Variants in DENND1A observed in about 807,000 individuals in gnomAD.
DENND1A encodes DENN domain-containing protein 1A.
In DENND1A, 51 loss-of-function variants were observed where a neutral mutation model predicts 113.7. That is an observed-to-expected ratio of 0.45 (90% CI 0.36 to 0.57). The LOEUF is 0.57. DENND1A is among the 20% of genes least tolerant of loss of function. The pLI, the probability that DENND1A is intolerant of heterozygous loss-of-function variation, is 0.00. For synonymous variants in DENND1A, 565 were observed against 570.8 expected (o/e 0.99, Z 0.14); for missense variants, 1,258 against 1,395.9 (o/e 0.90, Z 1.57).
At chr9:123,680,713 C>A (rs1358103226) in intron 5 of DENND1A, among the ~76,000 whole-genome samples, 2 of 152,220 alleles carry the variant, frequency 1.3e-5, no homozygotes, top group African/African-American at 4.8e-5. Flanking sequence ...TGTGTAAGTT[C>A]AGCGTGAATA....
At chr9:123,609,828 T>C (rs780819811) in intron 10 of DENND1A, among the ~76,000 whole-genome samples, 3 of 152,032 alleles carry the variant, frequency 2.0e-5, no homozygotes, top group Non-Finnish European at 4.4e-5. Context: ...TCAAAGAAAA[T>C]ATACGTTAAA....
At chr9:123,913,018 G>A (rs1217827522) in intron 1 of DENND1A, among the ~76,000 whole-genome samples, 1 of 151,394 alleles carries the variant, frequency 6.6e-6, no homozygotes, top group South Asian at 2.1e-4. Flanking sequence ...AGCAGAGTAG[G>A]GAACCTGAAT....
intron 13 of DENND1A, among the ~76,000 whole-genome samples, chr9:123,475,672 G>T (rs564989944): frequency 6.6e-6 from 1 of 152,236 alleles, no homozygotes; most frequent in Admixed American, 6.5e-5. Context: ...CTGCACACTC[G>T]CCTGCCATCG....
At chr9:123,926,674 G>GTT (rs61507628) in intron 1 of DENND1A, among the ~76,000 whole-genome samples, 91 of 147,710 alleles carry the variant, frequency 6.2e-4, no homozygotes, top group African/African-American at 1.7e-3. Flanking sequence ...TTCCTCAAGG[G>GTT]TTTTTTTTTT....
At chr9:123,734,840 T>A (rs917637466) in intron 5 of DENND1A, among the ~76,000 whole-genome samples, 2 of 152,034 alleles carry the variant, frequency 1.3e-5, no homozygotes, top group Non-Finnish European at 2.9e-5. Context: ...GGGAAAATAA[T>A]TTTTTTTATT....
intron 5 of DENND1A, among the ~76,000 whole-genome samples, chr9:123,708,891 T>C (rs73665343): frequency 0.18 from 28,010 of 152,170 alleles, 2,744 homozygotes; most frequent in African/African-American, 0.27. Context: ...CAGGAGGTCA[T>C]TGGCTTTGAC....
intron 12 of DENND1A, among the ~76,000 whole-genome samples, chr9:123,568,042 T>G (rs1007880346): frequency 1.3e-5 from 2 of 152,190 alleles, no homozygotes; most frequent in Admixed American, 1.3e-4. Context: ...TGTTCACAAA[T>G]GCCAACCAAA....
intron 21 of DENND1A, chr9:123,402,521 C>A (rs772653617): frequency 3.7e-6 from 2 of 534,708 alleles, no homozygotes; most frequent in Non-Finnish European, 7.7e-6. Flanking sequence ...GGGGCCTCCC[C>A]CTTTCCACCC....
At chr9:123,553,842 C>T (rs149570510) in intron 13 of DENND1A, among the ~76,000 whole-genome samples, 3,939 of 152,272 alleles carry the variant, frequency 0.026, 81 homozygotes, top group Non-Finnish European at 0.037. Flanking sequence ...ACTGCAACCT[C>T]TGCCTCCTGG....
intron 11 of DENND1A, among the ~76,000 whole-genome samples, chr9:123,600,971 C>G (rs1464940982): frequency 1.3e-5 from 2 of 152,196 alleles, no homozygotes; most frequent in African/African-American, 4.8e-5. Context: ...TTACCTCAAT[C>G]TGGCAGGAAT....
At chr9:123,668,148 G>C (rs2063581468) in intron 7 of DENND1A, among the ~76,000 whole-genome samples, 1 of 152,156 alleles carries the variant, frequency 6.6e-6, no homozygotes, top group African/African-American at 2.4e-5. Context: ...TTAAAGATGG[G>C]ATTGTGCAAA....
In DENND1A at chr9:123,605,377, T is replaced by C. The variant is rs961475587; in HGVS notation, c.765+4059A>G. ...ATGACCTGGCACCTGCTACCAGAGA[T>C]GGCACAGAAGAGGGGCTGCATAAAT... On this transcript the variant is annotated intron_variant, in intron 11 of 23. Transcript: ENST00000394215. Among the ~76,000 whole-genome samples the C allele has an allele frequency of 7.2e-5, 11 of 152,160 alleles. 1 individual carries two copies. The highest frequency in any genetic ancestry group is 5.9e-4 in the Admixed American group (9 of 15,274).
intron 5 of DENND1A, among the ~76,000 whole-genome samples, chr9:123,687,926 T>C (rs1426298457): frequency 6.6e-6 from 1 of 152,214 alleles, no homozygotes; most frequent in Non-Finnish European, 1.5e-5. Flanking sequence ...AGCCCAGCAA[T>C]CCTGAAGAGG....
At chr9:123,879,553 T>TACACACACACACACAC (rs138124573) in intron 1 of DENND1A, among the ~76,000 whole-genome samples, 5,180 of 150,038 alleles carry the variant, frequency 0.035, 90 homozygotes, top group Middle Eastern at 0.048. Flanking sequence ...AATAAAATTA[T>TACACACACACACACAC]ACACACACAC....
At chr9:123,554,475 C>T (rs1168850057) in intron 13 of DENND1A, among the ~76,000 whole-genome samples, 1 of 152,204 alleles carries the variant, frequency 6.6e-6, no homozygotes, top group Non-Finnish European at 1.5e-5. Context: ...AGCAATCTTA[C>T]ATGGGGAATG....
At chr9:123,582,265 A>G (rs982061765) in intron 12 of DENND1A, among the ~76,000 whole-genome samples, 1 of 152,206 alleles carries the variant, frequency 6.6e-6, no homozygotes, top group Non-Finnish European at 1.5e-5. Context: ...TAGAGGTGGC[A>G]GCGTGCTGGG....
In DENND1A at chr9:123,639,039, TAAAAAA is replaced by T. The variant is rs750972974; in HGVS notation, c.619-8569_619-8564del. 5.6e-4 allele frequency among the ~76,000 whole-genome samples: 18 copies of T among 32,106 alleles called. No individual in the cohort carries two copies. In the South Asian group the frequency reaches 0.013, roughly 23 times the overall value. 21.1% of individuals were successfully genotyped at this position (32,106 alleles called of 152,430 possible). Reference sequence around the variant, plus strand: ...TGAGTTACTAAATTTGCATGAGTAGTAAAAAAAAAAAAAAAAAAAAAAAAAAAGAAA... The same window carrying T: ...TGAGTTACTAAATTTGCATGAGTAGTAAAAAAAAAAAAAAAAAAAAAGAAA... On this transcript the variant is annotated intron_variant, in intron 9 of 23. Coordinates refer to ENST00000394215, the MANE Select transcript of DENND1A (RefSeq NM_001352964.2).
At chr9:123,822,900 G>A (rs1390191081) in intron 2 of DENND1A, among the ~76,000 whole-genome samples, 9 of 152,142 alleles carry the variant, frequency 5.9e-5, no homozygotes, top group African/African-American at 2.4e-5. Context: ...TAACGCTTAC[G>A]ATACAGGGGG....
intron 7 of DENND1A, among the ~76,000 whole-genome samples, chr9:123,669,955 C>T (rs1321984009): frequency 2.6e-5 from 4 of 152,162 alleles, no homozygotes; most frequent in Admixed American, 1.3e-4. Flanking sequence ...GCTTTGAAAA[C>T]TCAAGTCTTA....
Sources: allele counts gnomAD v4.1 joint callset (sites outside exome capture counted in the v4.1 genomes callset), GRCh38; gene constraint gnomAD v4.1.1; transcripts MANE v1.5; gene names NCBI Gene and HGNC (gene_info 2026-07-23, HGNC 2026-07-21).